NEURL1: variants seen among roughly 807,000 people sequenced by gnomAD.
NEURL1 encodes neuralized E3 ubiquitin protein ligase 1, also known as E3 ubiquitin-protein ligase NEURL1.
A neutral mutation model predicts 41.2 loss-of-function variants in NEURL1; 26 were observed. The observed-to-expected ratio is 0.63, with a 90% CI of 0.46 to 0.87. The LOEUF is 0.87. NEURL1 is among the 40% of genes least tolerant of loss of function. The pLI is 0.00. For synonymous variants in NEURL1, 400 were observed against 402.3 expected (o/e 0.99, Z 0.07); for missense variants, 761 against 871.1 (o/e 0.87, Z 1.59).
intron 1 of NEURL1, among the ~76,000 whole-genome samples, chr10:103,565,359 G>T (rs966930743): frequency 3.3e-5 from 5 of 152,222 alleles, no homozygotes; most frequent in Non-Finnish European, 4.4e-5. Context: ...CTCAGGCCGG[G>T]CCGGGCCTGG....
chr10:103,571,719 C>T lies in NEURL1; in HGVS notation c.546C>T (p.Ile182=). 6.2e-7 allele frequency: 1 copy of T among 1,614,226 alleles called. No individual in the cohort carries two copies. Among genetic ancestry groups the T allele is most frequent in the Non-Finnish European group, 8.5e-7 (1 of 1,180,012 alleles). Residue 182 remains isoleucine, a synonymous_variant, in exon 3 of 6, where the codon ATC becomes ATT. Coordinates refer to ENST00000369780, the MANE Select transcript of NEURL1 (RefSeq NM_004210.5). Reference sequence around the variant, plus strand: ...AGAAGGGCCGTGTCTTCCACCGCATCAACGACTCGGCTGTTATGCTGTTCT... The same window carrying T: ...AGAAGGGCCGTGTCTTCCACCGCATTAACGACTCGGCTGTTATGCTGTTCT... The part of the protein sequence containing the change: ...VDKKGRVFHR[I]NDSAVMLFFS...
chr10:103,584,226 A>C (rs558252693), intron 3 of NEURL1, among the ~76,000 whole-genome samples: 1 of 152,262 alleles, frequency 6.6e-6, no homozygotes, highest in East Asian at 1.9e-4. Context: ...GAAAATTTTA[A>C]ATTATGAGGA....
At chr10:103,588,076 G>A (rs924983436) in intron 4 of NEURL1, among the ~76,000 whole-genome samples, 3 of 151,936 alleles carry the variant, frequency 2.0e-5, no homozygotes, top group South Asian at 2.1e-4. Flanking sequence ...AGGCTGAGGC[G>A]GGTGGATCAC....
chr10:103,528,530 G>A (rs553563810), intron 1 of NEURL1, among the ~76,000 whole-genome samples: 24 of 141,720 alleles, frequency 1.7e-4, no homozygotes, highest in South Asian at 1.1e-3. Flanking sequence ...GCGTGACTCC[G>A]TCTCAAAAAA....
chr10:103,584,785 G>T lies in NEURL1; in HGVS notation c.899G>T (p.Arg300Leu). The T allele has an allele frequency of 7.0e-7, 1 of 1,437,264 alleles. No individual in the cohort carries two copies. Among genetic ancestry groups the T allele is most frequent in the Non-Finnish European group, 9.1e-7 (1 of 1,100,344 alleles). 89.0% of individuals were successfully genotyped at this position (1,437,264 alleles called of 1,614,324 possible). A position where few individuals can be genotyped will look rare whatever the true frequency, so the allele number is the denominator to read the frequency against. Residue 300 changes from arginine (R) to leucine (L), a missense_variant, in exon 4 of 6, where the codon CGC becomes CTC. This residue lies in a region of NEURL1 where 443 missense variants were observed against 408.1 expected (regional missense o/e 1.09). Coordinates refer to ENST00000369780, the MANE Select transcript of NEURL1 (RefSeq NM_004210.5). ...LDGDLRFHAL[R>L]AGAHVRILDE... ...GGCGACCTGCGTTTCCACGCCCTGC[G>T]CGCCGGCGCGCACGTCCGCATCCTC...
intron 1 of NEURL1, among the ~76,000 whole-genome samples, chr10:103,518,469 C>T (rs1394638891): frequency 6.6e-6 from 1 of 152,164 alleles, no homozygotes; most frequent in African/African-American, 2.4e-5. Context: ...AGTCCTCTGT[C>T]TCATGGAATT....
intron 1 of NEURL1, among the ~76,000 whole-genome samples, chr10:103,514,683 C>T (rs1045258880): frequency 2.8e-4 from 42 of 152,200 alleles, no homozygotes; most frequent in Non-Finnish European, 5.1e-4. Flanking sequence ...ACAGGCAGAT[C>T]TTGGGTTCAA....
intron 1 of NEURL1, among the ~76,000 whole-genome samples, chr10:103,529,970 A>G (rs1276286479): frequency 6.6e-6 from 1 of 152,222 alleles, no homozygotes; most frequent in Non-Finnish European, 1.5e-5. Context: ...AAGCAAGTCT[A>G]TTAGAGAAGT....
At chr10:103,563,471 A>G (rs1480852851) in intron 1 of NEURL1, among the ~76,000 whole-genome samples, 6 of 152,202 alleles carry the variant, frequency 3.9e-5, no homozygotes, top group African/African-American at 1.4e-4. Context: ...AGAAAGTGAG[A>G]CGAGACTGTC....
At position 103,494,275 on chromosome 10, in the gene NEURL1, A is replaced by G; in HGVS notation, c.-113A>G. 1 of 762,374 alleles carries G rather than the reference A, an allele frequency of 1.3e-6. No homozygotes were observed. Among genetic ancestry groups the G allele is most frequent in the East Asian group, 3.3e-5 (1 of 30,574 alleles). The allele number at this position is 762,374 out of a possible 1,614,324, so 47.2% of individuals were successfully genotyped here. On this transcript the variant is annotated 5_prime_UTR_variant, in exon 1 of 6. Coordinates refer to ENST00000369780, the MANE Select transcript of NEURL1 (RefSeq NM_004210.5). ...GCCCGCCCCCGGCTGCAGCCCCAGC[A>G]GGGCCCTCCCCCGGTGGCGCGCACC...
intron 1 of NEURL1, among the ~76,000 whole-genome samples, chr10:103,570,401 T>C (rs1161151618): frequency 3.3e-5 from 5 of 152,236 alleles, no homozygotes; most frequent in Admixed American, 1.3e-4. Context: ...ACAGGATCCA[T>C]GTATGTTTCA....
intron 1 of NEURL1, among the ~76,000 whole-genome samples, chr10:103,553,315 G>A (rs577620946): frequency 6.6e-6 from 1 of 152,302 alleles, no homozygotes; most frequent in Admixed American, 6.5e-5. Context: ...ATCATTATCC[G>A]ACAAAAGGAG....
At chr10:103,501,107 G>C (rs2033812350) in intron 1 of NEURL1, among the ~76,000 whole-genome samples, 1 of 152,180 alleles carries the variant, frequency 6.6e-6, no homozygotes, top group Non-Finnish European at 1.5e-5. Context: ...CTGGATGTGG[G>C]GTCCCCAGTG....
intron 1 of NEURL1, among the ~76,000 whole-genome samples, chr10:103,542,703 C>G (rs1468219381): frequency 6.6e-6 from 1 of 152,170 alleles, no homozygotes; most frequent in East Asian, 1.9e-4. Context: ...GTGGCTTAGA[C>G]AAGTCACTTA....
chr10:103,500,505 C>T (rs1056986696), intron 1 of NEURL1, among the ~76,000 whole-genome samples: 3 of 152,184 alleles, frequency 2.0e-5, no homozygotes, highest in African/African-American at 4.8e-5. Context: ...TGGGTGGGCT[C>T]TGTCTTTCAT....
chr10:103,538,862 G>A (rs1174156725), intron 1 of NEURL1, among the ~76,000 whole-genome samples: 1 of 151,178 alleles, frequency 6.6e-6, no homozygotes, highest in African/African-American at 2.4e-5. Context: ...GGTCAGGCTG[G>A]TCTTGAACTC....
chr10:103,505,923 T>C (rs755842251), intron 1 of NEURL1, among the ~76,000 whole-genome samples: 5 of 152,264 alleles, frequency 3.3e-5, no homozygotes, highest in Non-Finnish European at 7.4e-5. Flanking sequence ...ACTCATTCTG[T>C]CCGTGGAAGT....
At chr10:103,514,382 G>A (rs1408591240) in intron 1 of NEURL1, among the ~76,000 whole-genome samples, 2 of 152,088 alleles carry the variant, frequency 1.3e-5, no homozygotes, top group East Asian at 1.9e-4. Flanking sequence ...CATGGACCGC[G>A]TCCCCGGGCT....
At chr10:103,533,146 GTCCATC>G (rs1320029562) in intron 1 of NEURL1, among the ~76,000 whole-genome samples, 2 of 151,400 alleles carry the variant, frequency 1.3e-5, no homozygotes, top group Non-Finnish European at 2.9e-5. Context: ...CCAGGATGGT[GTCCATC>G]TCCTGACCTC....
Sources: gnomAD v4.1 joint callset for allele counts (sites outside exome capture counted in the v4.1 genomes callset) on GRCh38, gnomAD v4.1.1 for gene constraint, gnomAD v4.1.1 regional missense constraint, MANE v1.5 for transcripts, NCBI Gene and HGNC (gene_info 2026-07-23, HGNC 2026-07-21) for gene names.